The following ZNF451 variants were observed in gnomAD, a reference collection of about 807,000 sequenced individuals.
ZNF451 encodes zinc finger protein 451, also known as E3 SUMO-protein ligase ZNF451.
A neutral mutation model predicts 107.1 loss-of-function variants in ZNF451; 80 were observed. The observed-to-expected ratio is 0.75, with a 90% CI of 0.62 to 0.90. The LOEUF (loss-of-function observed/expected upper bound fraction) is 0.90. Among genes scored for constraint, ZNF451 ranks in the 40% least tolerant of loss-of-function variants. ZNF451 has a pLI of 0.00. For synonymous variants in ZNF451, 362 were observed against 406.5 expected, an observed-to-expected ratio of 0.89 and a Z score of 1.32; for missense variants, 1,107 against 1,236.2, an observed-to-expected ratio of 0.90 and a Z score of 1.57.
chr6:57,157,622 A>T (rs956878790), intron 13 of ZNF451, among the ~76,000 whole-genome samples: 1 of 152,190 alleles, frequency 6.6e-6, no homozygotes, highest in African/African-American at 2.4e-5. Flanking sequence ...TAAAAAGTCT[A>T]TTAACTTTAA....
chr6:57,160,912 A>G (rs1475503797), intron 13 of ZNF451, 172 bp from the exon 14 acceptor site: 4 of 433,706 alleles, frequency 9.2e-6, no homozygotes, highest in Non-Finnish European at 1.3e-5. Flanking sequence ...TAATGTCACC[A>G]TTTTTAATAT....
At chr6:57,098,375 C>T (rs1472462897) in intron 2 of ZNF451, among the ~76,000 whole-genome samples, 3 of 151,918 alleles carry the variant, frequency 2.0e-5, no homozygotes, top group Admixed American at 2.0e-4. Context: ...CTTGTATTCT[C>T]TTGTATATCC....
At chr6:57,135,702 A>T (rs954015291) in intron 7 of ZNF451, among the ~76,000 whole-genome samples, 1 of 152,152 alleles carries the variant, frequency 6.6e-6, no homozygotes, top group Non-Finnish European at 1.5e-5. Flanking sequence ...TTCTGTATGA[A>T]TATAGTATTA....
chr6:57,100,942 C>T, intron 3 of ZNF451: 1 of 1,551,070 alleles, frequency 6.4e-7, no homozygotes, highest in Non-Finnish European at 8.7e-7. Context: ...TTCAGCTTCA[C>T]AGCATGGACG....
rs373223093 is a variant in ZNF451, at chr6:57,092,853, C to T, written c.105+1959C>T. 3.6e-4 allele frequency: 55 copies of T among 152,204 alleles called. No homozygotes were observed. The East Asian group carries it at 7.9e-3, about 22-fold the overall frequency. 9.4% of individuals were successfully genotyped at this position (152,204 alleles called of 1,614,324 possible). ...AGAATCTGAAACTAAACACAGCATG[C>T]TGAAGGAAAGGAGTGATATAGATAT... is the stretch of plus-strand genomic sequence containing the variant. On this transcript the variant is annotated intron_variant, in intron 2 of 14. Transcript: ENST00000370706.
At chr6:57,111,151 C>T (rs887629816) in intron 3 of ZNF451, among the ~76,000 whole-genome samples, 3 of 152,074 alleles carry the variant, frequency 2.0e-5, no homozygotes, top group Non-Finnish European at 4.4e-5. Context: ...GAACTCCTGA[C>T]CTCAAGTGAT....
At chr6:57,157,986 A>C (rs776589288) in intron 13 of ZNF451, among the ~76,000 whole-genome samples, 7 of 152,240 alleles carry the variant, frequency 4.6e-5, no homozygotes, top group Non-Finnish European at 8.8e-5. Flanking sequence ...ACAGATGTTT[A>C]AATATGTTGA....
rs1238440546 is a variant in ZNF451 at position 57,102,743 on chromosome 6, G to A, written c.186+3602G>A. ...ATCCAGTTTGCTTCCCCTTGGAATGGCTAGATGTCGCAGGTCTATTATGGA... is the reference window on the plus strand; with the variant it reads ...ATCCAGTTTGCTTCCCCTTGGAATGACTAGATGTCGCAGGTCTATTATGGA... On this transcript the variant is annotated intron_variant, in intron 3 of 14. Coordinates refer to ENST00000370706, the MANE Select transcript of ZNF451 (RefSeq NM_001031623.3). The A allele has an allele frequency of 1.5e-5, 15 of 985,286 alleles. No homozygotes were observed. The Admixed American group carries it at 9.2e-4, about 61-fold the overall frequency. The allele number at this position is 985,286 out of a possible 1,614,324, so 61.0% of individuals were successfully genotyped here. A position where few individuals can be genotyped will look rare whatever the true frequency, so the allele number is the denominator to read the frequency against.
Position 57,148,043 on chromosome 6 carries a change from G to A in ZNF451, c.1958G>A (p.Arg653Gln), listed in dbSNP as rs1471428184. ...KPFHKIETLY[R>Q]HCQDEHDNEI... ...TTTCATAAGATAGAAACATTGTACC[G>A]ACATTGCCAAGATGAGCATGACAAT... Residue 653 changes from arginine (R) to glutamine (Q), a missense_variant, in exon 10 of 15, where the codon CGA (arginine) becomes CAA (glutamine). Coordinates refer to ENST00000370706, the MANE Select transcript of ZNF451 (RefSeq NM_001031623.3). The A allele has an allele frequency of 4.3e-6, 7 of 1,613,880 alleles. No individual in the cohort carries two copies. The highest frequency in any genetic ancestry group is 1.3e-5 in the African/African-American group (1 of 74,922).
At chr6:57,091,924 C>T (rs1275008746) in intron 2 of ZNF451, among the ~76,000 whole-genome samples, 2 of 152,192 alleles carry the variant, frequency 1.3e-5, no homozygotes, top group Non-Finnish European at 2.9e-5. Context: ...GAGTCCTTCA[C>T]AAGATTGTTT....
chr6:57,103,198 A>AG (rs754986274), intron 3 of ZNF451: 1 of 985,442 alleles, frequency 1.0e-6, no homozygotes, highest in Non-Finnish European at 1.2e-6. Flanking sequence ...TGTAATAAAG[A>AG]GGGATACCAT....
intron 6 of ZNF451, among the ~76,000 whole-genome samples, chr6:57,133,648 T>A (rs968829704): frequency 3.9e-5 from 6 of 152,206 alleles, no homozygotes; most frequent in Non-Finnish European, 8.8e-5. Context: ...AAACCCATTT[T>A]ATCAATTTAC....
At chr6:57,144,727 G>A (rs956245024) in intron 9 of ZNF451, among the ~76,000 whole-genome samples, 1 of 151,982 alleles carries the variant, frequency 6.6e-6, no homozygotes, top group Non-Finnish European at 1.5e-5. Flanking sequence ...TCAGGAGTTC[G>A]AGACCAGCCT....
intron 3 of ZNF451, among the ~76,000 whole-genome samples, chr6:57,118,762 T>C (rs571437343): frequency 6.6e-6 from 1 of 152,168 alleles, no homozygotes; most frequent in Non-Finnish European, 1.5e-5. Context: ...GGATTACAAG[T>C]GTAAGCTACT....
At chr6:57,138,731 A>ATGTGTGTGTGTGTGTG (rs1298715865) in intron 7 of ZNF451, among the ~76,000 whole-genome samples, 3 of 113,288 alleles carry the variant, frequency 2.6e-5, no homozygotes, top group Non-Finnish European at 3.6e-5. Context: ...ATATATATAT[A>ATGTGTGTGTGTGTGTG]TATATATATA....
chr6:57,134,921 G>A (rs1438902861), intron 7 of ZNF451, 51 bp downstream of exon 7: 7 of 1,499,220 alleles, frequency 4.7e-6, no homozygotes, highest in Non-Finnish European at 5.4e-6. Flanking sequence ...TAGCCATGGA[G>A]TTAAGTGGAG....
At position 57,148,532 on chromosome 6, in the gene ZNF451, A is replaced by G. The variant is rs11965942; in HGVS notation, c.2447A>G (p.Gln816Arg). Residue 816 changes from glutamine to arginine, a missense_variant, in exon 10 of 15, where the codon CAG becomes CGG. This residue lies in a region of ZNF451 where 608 missense variants were observed against 649.2 expected (regional missense o/e 0.94). Transcript: ENST00000370706. ...TTCCATAGAAAACATTGCTTCTTACAGAAACCCAGTGTGGCTCATTTTGGA... is the reference window on the plus strand; with the variant it reads ...TTCCATAGAAAACATTGCTTCTTACGGAAACCCAGTGTGGCTCATTTTGGA... ...QHFHRKHCFLQKPSVAHFGSE... is the reference protein window; with the variant it reads ...QHFHRKHCFLRKPSVAHFGSE... 29 of 1,614,184 alleles carry G rather than the reference A, an allele frequency of 1.8e-5. No homozygotes were observed. In the African/African-American group the frequency reaches 3.6e-4, roughly 20 times the overall value.
rs1562622953 is a variant in ZNF451 at position 57,148,267 on chromosome 6, T to C, written c.2182T>C (p.Tyr728His). 3.7e-6 allele frequency: 6 copies of C among 1,613,994 alleles called. No homozygotes were observed. The highest frequency in any genetic ancestry group is 5.1e-6 in the Non-Finnish European group (6 of 1,179,950). ...NQLTCGCRES[Y>H]ICKVNRKEDY... ...GTTAACTTGTGGTTGCCGTGAGAGT[T>C]ACATCTGTAAAGTCAACAGAAAAGA... is the stretch of plus-strand genomic sequence containing the variant. The change falls in exon 10 of 15, where the codon TAC (tyrosine) becomes CAC (histidine). Residue 728 changes from tyrosine to histidine, a missense_variant. By Grantham distance (83) the Tyr-to-His change is moderately conservative. Coordinates refer to ENST00000370706, the MANE Select transcript of ZNF451 (RefSeq NM_001031623.3).
At chr6:57,118,833 G>GA (rs367814119) in intron 3 of ZNF451, among the ~76,000 whole-genome samples, 1 of 152,182 alleles carries the variant, frequency 6.6e-6, no homozygotes, top group African/African-American at 2.4e-5. Context: ...TCAAAGTTTA[G>GA]AAAAATAACT....
Sources: gnomAD v4.1 joint callset for allele counts (sites outside exome capture counted in the v4.1 genomes callset) on GRCh38, gnomAD v4.1.1 for gene constraint, gnomAD v4.1.1 regional missense constraint, MANE v1.5 for transcripts, NCBI Gene and HGNC (gene_info 2026-07-23, HGNC 2026-07-21) for gene names.